Variants in ZNG1B observed in about 807,000 individuals in gnomAD.
ZNG1B encodes zinc-regulated GTPase metalloprotein activator 1B.
At chr2:113,473,899 C>T in the ZNG1B span, among the ~76,000 whole-genome samples, 9,200 of 106,606 alleles carry the variant, frequency 0.086, 511 homozygotes, top group East Asian at 0.2. Flanking sequence ...CAGTATTTTA[C>T]TGAGGATTTT....
At chr2:113,478,644 G>GT in the ZNG1B span, among the ~76,000 whole-genome samples, 39,633 of 141,828 alleles carry the variant, frequency 0.28, 5,590 homozygotes, top group East Asian at 0.53. Context: ...CTTTCAACTA[G>GT]TTTTTTTTTT....
chr2:113,459,735 TAG>T, the ZNG1B span, among the ~76,000 whole-genome samples: 1 of 151,232 alleles, frequency 6.6e-6, no homozygotes, highest in East Asian at 1.9e-4. Context: ...TGGCTTCAAA[TAG>T]AGAGTATTAC....
chr2:113,448,903 A>AAAATAAAT, the ZNG1B span, among the ~76,000 whole-genome samples: 22 of 150,616 alleles, frequency 1.5e-4, no homozygotes, highest in African/African-American at 5.4e-4. Context: ...ACTCCATCTC[A>AAAATAAAT]AAATAAATAA....
the ZNG1B span, among the ~76,000 whole-genome samples, chr2:113,475,459 T>C: frequency 4.7e-5 from 7 of 150,452 alleles, no homozygotes; most frequent in Admixed American, 4.6e-4. Context: ...CCAGTCTGTG[T>C]CTTTTAATTG....
chr2:113,465,977 G>A, the ZNG1B span: 1 of 984,728 alleles, frequency 1.0e-6, no homozygotes, highest in African/African-American at 1.8e-5. Flanking sequence ...AGTAACAGCA[G>A]CAGCTGCTTA....
At chr2:113,463,197 G>T in the ZNG1B span, among the ~76,000 whole-genome samples, 4 of 152,032 alleles carry the variant, frequency 2.6e-5, no homozygotes, top group Non-Finnish European at 4.4e-5. Flanking sequence ...AACAAAGATG[G>T]ACTTTTCAAA....
At chr2:113,437,875 C>A in the ZNG1B span, 1 of 1,611,894 alleles carries the variant, frequency 6.2e-7, no homozygotes, top group South Asian at 1.1e-5. Flanking sequence ...CGGAATGTTA[C>A]CGGCTGTTGG....
the ZNG1B span, chr2:113,444,358 A>G: frequency 3.1e-5 from 5 of 158,796 alleles, no homozygotes; most frequent in Non-Finnish European, 6.9e-5. Context: ...AAAAATGACT[A>G]CTTGTACTGT....
the ZNG1B span, among the ~76,000 whole-genome samples, chr2:113,441,996 C>T: frequency 6.6e-6 from 1 of 152,152 alleles, no homozygotes; most frequent in African/African-American, 2.4e-5. Flanking sequence ...CCTCGGCCTC[C>T]CAAAGTTGCT....
chr2:113,438,170 A>G, the ZNG1B span: 13 of 1,514,178 alleles, frequency 8.6e-6, no homozygotes, highest in Non-Finnish European at 1.1e-5. Flanking sequence ...TGCTTCTCGT[A>G]TGGGTTGCCT....
the ZNG1B span, among the ~76,000 whole-genome samples, chr2:113,443,156 G>A: frequency 6.6e-6 from 1 of 152,032 alleles, no homozygotes; most frequent in African/African-American, 2.4e-5. Flanking sequence ...TTTTAGTAGA[G>A]ATGAGGTTTC....
At chr2:113,462,344 G>A in the ZNG1B span, 3 of 1,439,906 alleles carry the variant, frequency 2.1e-6, no homozygotes, top group African/African-American at 4.3e-5. Context: ...CTCTTTTGAT[G>A]TATTAATCTG....
the ZNG1B span, chr2:113,457,191 G>A: frequency 2.2e-6 from 1 of 453,874 alleles, no homozygotes; most frequent in Admixed American, 2.4e-5. Flanking sequence ...AATGAATGAA[G>A]TTACCCAGAG....
chr2:113,483,320 C>T, the ZNG1B span, among the ~76,000 whole-genome samples: 5 of 151,774 alleles, frequency 3.3e-5, no homozygotes, highest in Admixed American at 2.6e-4. Flanking sequence ...GTGGCGGTTA[C>T]GATGCCTTGC....
At chr2:113,490,142 A>C in the ZNG1B span, among the ~76,000 whole-genome samples, 4 of 151,956 alleles carry the variant, frequency 2.6e-5, no homozygotes, top group Non-Finnish European at 5.9e-5. Flanking sequence ...ATTTTAAGAA[A>C]ATTAAAATTA....
the ZNG1B span, chr2:113,460,818 G>A: frequency 6.5e-7 from 1 of 1,546,340 alleles, no homozygotes; most frequent in South Asian, 1.2e-5. Context: ...TTAAAACATA[G>A]TCAACGAAAA....
the ZNG1B span, chr2:113,465,251 T>C: frequency 2.3e-6 from 1 of 439,178 alleles, no homozygotes. Context: ...TTGACAAATA[T>C]GCTTGATTCT....
the ZNG1B span, among the ~76,000 whole-genome samples, chr2:113,473,418 C>A: frequency 6.8e-6 from 1 of 147,666 alleles, no homozygotes; most frequent in Non-Finnish European, 1.5e-5. Flanking sequence ...GATATATAAT[C>A]ATGTCATCTG....
the ZNG1B span, chr2:113,469,083 A>T: frequency 1.3e-5 from 2 of 151,096 alleles, no homozygotes; most frequent in Admixed American, 1.3e-4. Context: ...ATTTCCTAAG[A>T]TGAAGATGAC....
Sources: gnomAD v4.1 joint callset for allele counts (sites outside exome capture counted in the v4.1 genomes callset) on GRCh38, gnomAD v4.1.1 for gene constraint, MANE v1.5 for transcripts, NCBI Gene and HGNC (gene_info 2026-07-23, HGNC 2026-07-21) for gene names.